Variants in GALNT18 observed in about 807,000 individuals in gnomAD.
GALNT18 encodes the protein polypeptide N-acetylgalactosaminyltransferase 18, also known as GalNAc-transferase 18.
Under a neutral mutation model 69.5 loss-of-function variants are expected in GALNT18, and 44 were observed. The ratio of observed to expected loss-of-function variants is 0.63; its 90% CI spans 0.50 to 0.81. GALNT18 has a LOEUF of 0.81. GALNT18 is among the 40% of genes least tolerant of loss of function. The pLI is 0.00. For missense variants in GALNT18, 715 were observed against 810.0 expected (o/e 0.88, Z 1.42); for synonymous variants, 364 against 318.2 (o/e 1.14, Z -1.53).
In GALNT18 at chr11:11,606,349, T is replaced by A. The variant is rs1308795109; in HGVS notation, c.235+15010A>T. ...GCAGACTAATAATTACAGGACAGTA[T>A]GATTTTCTCATCTGTAAAATGGGGC... On this transcript the variant is annotated intron_variant, in intron 1 of 10. Transcript: ENST00000227756. The surrounding 1 kb of genome is among the most constrained non-coding windows in gnomAD (Gnocchi z 5.4). Among the ~76,000 whole-genome samples, 2 of 152,226 alleles carry A rather than the reference T, an allele frequency of 1.3e-5. No homozygotes were observed. Among genetic ancestry groups the A allele is most frequent in the Non-Finnish European group, 2.9e-5 (2 of 68,030 alleles).
chr11:11,471,994 C>T (rs10831620), intron 1 of GALNT18, among the ~76,000 whole-genome samples: 28,224 of 152,176 alleles, frequency 0.19, 3,034 homozygotes, highest in Admixed American at 0.35. Flanking sequence ...GACAGCAAGA[C>T]CAGGCTCAGC....
chr11:11,446,446 T>C (rs1855654026), intron 2 of GALNT18, among the ~76,000 whole-genome samples: 1 of 152,194 alleles, frequency 6.6e-6, no homozygotes, highest in African/African-American at 2.4e-5. Flanking sequence ...CATGGCCAAG[T>C]CCCCTGCAGG....
At chr11:11,580,381 G>T (rs754904325) in intron 1 of GALNT18, among the ~76,000 whole-genome samples, 16 of 152,086 alleles carry the variant, frequency 1.1e-4, no homozygotes, top group Non-Finnish European at 1.9e-4. Flanking sequence ...TCCTAAGACC[G>T]TCCCTGAGAT....
intron 1 of GALNT18, among the ~76,000 whole-genome samples, chr11:11,560,161 T>TGGAATAAAATGAGATATGAAGGG (rs1565012841): frequency 0.067 from 137 of 2,054 alleles, 3 homozygotes; most frequent in South Asian, 0.12. Flanking sequence ...TGATGGGATG[T>TGGAATAAAATGAGATATGAAGGG]ATGGGATGGG....
At chr11:11,305,651 G>T (rs897063317) in intron 9 of GALNT18, among the ~76,000 whole-genome samples, 2 of 152,044 alleles carry the variant, frequency 1.3e-5, no homozygotes, top group Non-Finnish European at 2.9e-5. Flanking sequence ...GTGGAAACAG[G>T]CTAAAAATGC....
chr11:11,501,228 T>C (rs1250438780), intron 1 of GALNT18, among the ~76,000 whole-genome samples: 2 of 152,240 alleles, frequency 1.3e-5, no homozygotes, highest in Non-Finnish European at 2.9e-5. Flanking sequence ...CATGCTTTGG[T>C]GTGCACAGCA....
intron 6 of GALNT18, among the ~76,000 whole-genome samples, chr11:11,359,184 T>C (rs1371120985): frequency 7.1e-6 from 1 of 140,236 alleles, no homozygotes; most frequent in East Asian, 1.9e-4. Context: ...AATTTCCTTA[T>C]GGCTAGCTGA....
intron 1 of GALNT18, among the ~76,000 whole-genome samples, chr11:11,574,086 A>G (rs7931667): frequency 0.089 from 13,508 of 152,194 alleles, 725 homozygotes; most frequent in Middle Eastern, 0.16. Context: ...AGGCAAGTCA[A>G]TTATTGTAGG....
intron 1 of GALNT18, among the ~76,000 whole-genome samples, chr11:11,551,868 AG>A (rs1565007947): frequency 6.6e-6 from 1 of 152,142 alleles, no homozygotes; most frequent in African/African-American, 2.4e-5. Context: ...TTCTGCGAGC[AG>A]GGGGTGGATC....
At chr11:11,284,718 C>T (rs1849155067) in intron 10 of GALNT18, among the ~76,000 whole-genome samples, 1 of 152,020 alleles carries the variant, frequency 6.6e-6, no homozygotes, top group African/African-American at 2.4e-5. Flanking sequence ...GGGTCTTTGG[C>T]TTTAAGCATG....
chr11:11,272,905 C>T (rs1277189269), intron 10 of GALNT18, among the ~76,000 whole-genome samples: 1 of 152,186 alleles, frequency 6.6e-6, no homozygotes, highest in Non-Finnish European at 1.5e-5. Context: ...CAACAACGGA[C>T]ATCTCAAGAG....
At chr11:11,289,164 C>T (rs1849251741) in intron 10 of GALNT18, among the ~76,000 whole-genome samples, 2 of 152,206 alleles carry the variant, frequency 1.3e-5, no homozygotes, top group African/African-American at 2.4e-5. Flanking sequence ...AGCGACTCCT[C>T]ACCAATGAGG....
chr11:11,348,381 G>GAAA lies in GALNT18; in HGVS notation c.1093-7380_1093-7378dup, dbSNP rs71988944. ...TGGCAAGAGCAAGACTTCGTCTCAG[G>GAAA]AAAAAAAAAAAAAAAAAAAAAAGGA... On this transcript the variant is annotated intron_variant, in intron 6 of 10. Coordinates refer to ENST00000227756, the MANE Select transcript of GALNT18 (RefSeq NM_198516.3). 9.1e-5 allele frequency among the ~76,000 whole-genome samples: 7 copies of GAAA among 77,034 alleles called. No individual in the cohort carries two copies. In the South Asian group the frequency reaches 1.4e-3, roughly 15 times the overall value. The allele number at this position is 77,034 out of a possible 152,430, so 50.5% of individuals were successfully genotyped here.
At chr11:11,520,409 C>T (rs1325255638) in intron 1 of GALNT18, among the ~76,000 whole-genome samples, 1 of 152,216 alleles carries the variant, frequency 6.6e-6, no homozygotes, top group East Asian at 1.9e-4. Flanking sequence ...CTGCACCCGT[C>T]AGCCACAGAC....
intron 1 of GALNT18, among the ~76,000 whole-genome samples, chr11:11,599,328 C>T (rs888984147): frequency 6.6e-6 from 1 of 151,954 alleles, no homozygotes; most frequent in Non-Finnish European, 1.5e-5. Flanking sequence ...ATGGATTGAT[C>T]CTTTTATCAT....
At chr11:11,390,761 G>A (rs1027635699) in intron 3 of GALNT18, among the ~76,000 whole-genome samples, 2 of 152,214 alleles carry the variant, frequency 1.3e-5, no homozygotes, top group African/African-American at 4.8e-5. Flanking sequence ...CAGAACCCAA[G>A]TGTTCTCCTG....
At chr11:11,450,850 T>G (rs1387549935) in intron 1 of GALNT18, among the ~76,000 whole-genome samples, 1 of 152,188 alleles carries the variant, frequency 6.6e-6, no homozygotes, top group African/African-American at 2.4e-5. Context: ...ATAAAAAACT[T>G]GTCCAGGTTC....
At chr11:11,519,745 G>A (rs566302514) in intron 1 of GALNT18, among the ~76,000 whole-genome samples, 1 of 152,336 alleles carries the variant, frequency 6.6e-6, no homozygotes, top group South Asian at 2.1e-4. Flanking sequence ...GACTGCAGGA[G>A]CAACCAGGGG....
At position 11,377,221 on chromosome 11, in the gene GALNT18, T is replaced by C. The variant is rs1853786831; in HGVS notation, c.938A>G (p.Lys313Arg). 2.5e-6 allele frequency: 4 copies of C among 1,613,428 alleles called. No individual in the cohort carries two copies. The highest frequency in any genetic ancestry group is 3.4e-6 in the Non-Finnish European group (4 of 1,180,008). Residue 313 changes from lysine (K) to arginine (R), a missense_variant, in exon 5 of 11, where the codon AAG (lysine) becomes AGG (arginine). By Grantham distance (26) the Lys-to-Arg change is conservative. Transcript: ENST00000227756. The surrounding 1 kb of genome is among the most constrained non-coding windows in gnomAD (Gnocchi z 4.6). ...ELWCRYLNPPKAWWKLENSTA... is the reference protein window; with the variant it reads ...ELWCRYLNPPRAWWKLENSTA... The stretch of plus-strand genomic sequence containing the variant: ...GGAGTTCTCCAGCTTCCACCAGGCC[T>C]TGGGGGGATTTAGGTAGCGGCACCA...
Sources: allele counts gnomAD v4.1 joint callset (sites outside exome capture counted in the v4.1 genomes callset), GRCh38; gene constraint gnomAD v4.1.1; non-coding constraint Gnocchi (gnomAD v3.1); transcripts MANE v1.5; gene names NCBI Gene and HGNC (gene_info 2026-07-23, HGNC 2026-07-21).